Variants in IREB2 observed in about 807,000 individuals in gnomAD.
The protein encoded by IREB2 is iron-responsive element-binding protein 2.
A neutral mutation model predicts 118.8 loss-of-function variants in IREB2; 39 were observed. That is an observed-to-expected ratio of 0.33 (90% CI 0.25 to 0.43). The LOEUF (loss-of-function observed/expected upper bound fraction) is 0.43. IREB2 is among the 20% of genes least tolerant of loss of function. The pLI is 1.00. For synonymous variants in IREB2, 372 were observed against 392.2 expected, an observed-to-expected ratio of 0.95 and a Z score of 0.61; for missense variants, 900 against 1,147.3, an observed-to-expected ratio of 0.78 and a Z score of 3.11.
At chr15:78,438,195 C>G (rs1156928447), upstream of IREB2, 1 of 670,166 alleles carries the variant, frequency 1.5e-6, no homozygotes, top group East Asian at 2.8e-5. Context: ...GCTGGCTCTG[C>G]TGCTCTCGCG....
chr15:78,485,871 T>C (rs1469391980), intron 13 of IREB2, 31 bp downstream of exon 13: 1 of 1,597,528 alleles, frequency 6.3e-7, no homozygotes, highest in Non-Finnish European at 8.6e-7. Flanking sequence ...TTCATATTGA[T>C]ATTGGTGTTC....
At chr15:78,452,329 G>A (rs1237998280) in intron 2 of IREB2, among the ~76,000 whole-genome samples, 2 of 152,162 alleles carry the variant, frequency 1.3e-5, no homozygotes, top group African/African-American at 4.8e-5. Context: ...TACTAGTGAA[G>A]TTGGGAACAT....
intron 20 of IREB2, among the ~76,000 whole-genome samples, chr15:78,495,830 T>G (rs1315224197): frequency 6.6e-6 from 1 of 152,122 alleles, no homozygotes; most frequent in Non-Finnish European, 1.5e-5. Flanking sequence ...GGTACTAAAA[T>G]TTTGGAGAGA....
At chr15:78,485,641 T>G in intron 12 of IREB2, 64 bp from the exon 13 acceptor site, 1 of 1,500,058 alleles carries the variant, frequency 6.7e-7, no homozygotes, top group Non-Finnish European at 9.0e-7. Flanking sequence ...ACTTTTTACT[T>G]TAATATGGGT....
Position 78,478,351 on chromosome 15 carries a change from T to G in IREB2, c.1250T>G (p.Leu417Trp). The change falls in exon 10 of 22, where the codon TTG becomes TGG. Residue 417 changes from leucine to tryptophan, a missense_variant. By Grantham distance (61) the Leu-to-Trp change is moderately conservative. Transcript: ENST00000258886. ...SMETYLKAVK[L>W]FRNDQNSSGE... Reference sequence around the variant, plus strand: ...GAAACATACCTTAAAGCTGTGAAATTGTTTCGAAATGACCAGAATTCTTCA... The same window carrying G: ...GAAACATACCTTAAAGCTGTGAAATGGTTTCGAAATGACCAGAATTCTTCA... The G allele has an allele frequency of 1.9e-6, 3 of 1,613,626 alleles. No individual in the cohort carries two copies. The highest frequency in any genetic ancestry group is 1.7e-6 in the Non-Finnish European group (2 of 1,179,590).
intron 18 of IREB2, among the ~76,000 whole-genome samples, chr15:78,491,818 T>A (rs2051756225): frequency 6.6e-6 from 1 of 152,156 alleles, no homozygotes; most frequent in Non-Finnish European, 1.5e-5. Flanking sequence ...TAGCTTGTGT[T>A]GACATGTGAT....
Position 78,465,238 on chromosome 15 carries a change from C to A in IREB2, c.273-13C>A, listed in dbSNP as rs762835487. The A allele has an allele frequency of 1.9e-6, 3 of 1,594,416 alleles. No individual in the cohort carries two copies. In the East Asian group the frequency reaches 6.7e-5, roughly 36 times the overall value. On this transcript the variant is annotated splice_polypyrimidine_tract_variant and intron_variant, in intron 3 of 21. Coordinates refer to ENST00000258886, the MANE Select transcript of IREB2 (RefSeq NM_004136.4). The stretch of plus-strand genomic sequence containing the variant: ...CAATTTGGACTATAATTTGACCATT[C>A]TTTATTTTTTAGTGGAATACCAGCA...
intron 10 of IREB2, among the ~76,000 whole-genome samples, chr15:78,478,844 T>C (rs11634990): frequency 0.15 from 22,858 of 152,230 alleles, 1,755 homozygotes; most frequent in Non-Finnish European, 0.16. Context: ...CTGTTAGATA[T>C]GACAATATCT....
chr15:78,465,433 G>A, intron 4 of IREB2, 45 bp downstream of exon 4: 2 of 1,542,642 alleles, frequency 1.3e-6, no homozygotes, highest in Non-Finnish European at 1.8e-6. Context: ...AAGTTAATTG[G>A]CTGGAAATGT....
intron 21 of IREB2, 49 bp from the exon 22 acceptor site, chr15:78,497,984 C>A: frequency 1.0e-6 from 1 of 999,362 alleles, no homozygotes; most frequent in Non-Finnish European, 1.6e-6. Flanking sequence ...CATCAAGTAG[C>A]ACCTGGAAGA....
rs2051874670 is a variant in IREB2, at chr15:78,498,260, A to G, written c.*117A>G. ...CCCAGTATACTCACTTATCTCATCC[A>G]TGGATGTAAATGATGATGAATCAAC... On this transcript the variant is annotated 3_prime_UTR_variant, in exon 22 of 22. Coordinates refer to ENST00000258886, the MANE Select transcript of IREB2 (RefSeq NM_004136.4). 7.0e-6 allele frequency: 4 copies of G among 568,692 alleles called. No individual in the cohort carries two copies. The highest frequency in any genetic ancestry group is 4.9e-5 in the South Asian group (2 of 41,084). 35.2% of individuals were successfully genotyped at this position (568,692 alleles called of 1,614,324 possible). A position where few individuals can be genotyped will look rare whatever the true frequency, so the allele number is the denominator to read the frequency against.
At chr15:78,447,689 GTCTTCCTGCC>G (rs1653178769) in intron 2 of IREB2, among the ~76,000 whole-genome samples, 1 of 151,822 alleles carries the variant, frequency 6.6e-6, no homozygotes. Context: ...ACCTCAAGCA[GTCTTCCTGCC>G]TTGGCCTCCC....
chr15:78,464,505 T>C (rs2051248476), intron 3 of IREB2, among the ~76,000 whole-genome samples: 1 of 152,214 alleles, frequency 6.6e-6, no homozygotes, highest in South Asian at 2.1e-4. Context: ...TCTTACACCA[T>C]TTATTCAGAA....
chr15:78,468,560 T>A (rs2141483792), intron 5 of IREB2, among the ~76,000 whole-genome samples: 1 of 152,158 alleles, frequency 6.6e-6, no homozygotes, highest in African/African-American at 2.4e-5. Context: ...TTTTTTAATT[T>A]AGTAAAAAAT....
At chr15:78,461,708 A>G (rs984747423) in intron 2 of IREB2, among the ~76,000 whole-genome samples, 5 of 152,166 alleles carry the variant, frequency 3.3e-5, no homozygotes, top group Admixed American at 2.0e-4. Context: ...AGGAAATGCA[A>G]ACGCTCCTGT....
chr15:78,447,281 A>G (rs1304406992), intron 2 of IREB2, among the ~76,000 whole-genome samples: 7 of 150,636 alleles, frequency 4.6e-5, no homozygotes, highest in Admixed American at 2.0e-4. Flanking sequence ...GACTCAGGCA[A>G]TCCTCCCATC....
intron 5 of IREB2, among the ~76,000 whole-genome samples, chr15:78,469,177 TAAG>T (rs770604740): frequency 4.7e-4 from 71 of 152,286 alleles, no homozygotes; most frequent in Non-Finnish European, 7.9e-4. Context: ...ATTATTGACT[TAAG>T]AAGTTGAGTA....
At chr15:78,466,727 C>A (rs2051289684) in intron 5 of IREB2, among the ~76,000 whole-genome samples, 1 of 152,108 alleles carries the variant, frequency 6.6e-6, no homozygotes, top group East Asian at 1.9e-4. Flanking sequence ...TAAGATTTAT[C>A]TGTAAATAGA....
At chr15:78,497,050 A>AT (rs1440224373) in intron 20 of IREB2, 76 bp from the exon 21 acceptor site, 2 of 1,101,172 alleles carry the variant, frequency 1.8e-6, no homozygotes, top group Non-Finnish European at 2.7e-6. Context: ...GCCAAAGTAG[A>AT]TTTTTGCCCC....
Sources: allele counts gnomAD v4.1 joint callset (sites outside exome capture counted in the v4.1 genomes callset), GRCh38; gene constraint gnomAD v4.1.1; transcripts MANE v1.5; gene names NCBI Gene and HGNC (gene_info 2026-07-23, HGNC 2026-07-21).